The following STRN variants were observed in gnomAD, a reference collection of about 807,000 sequenced individuals.
The protein encoded by STRN is striatin.
Under a neutral mutation model 96.3 loss-of-function variants are expected in STRN, and 53 were observed. The observed-to-expected ratio is 0.55, with a 90% CI of 0.44 to 0.69. The LOEUF is 0.69. STRN is among the 30% of genes least tolerant of loss of function. STRN has a pLI of 0.00. For missense variants in STRN, 987 were observed against 963.9 expected (o/e 1.02, Z -0.32); for synonymous variants, 428 against 355.9 (o/e 1.20, Z -2.28).
chr2:36,951,898 C>T (rs993232592), intron 1 of STRN, among the ~76,000 whole-genome samples: 2 of 152,218 alleles, frequency 1.3e-5, no homozygotes, highest in African/African-American at 2.4e-5. Flanking sequence ...CGCTGAGCTC[C>T]GCTTCCTGTC....
chr2:36,958,522 T>C (rs1664949181), intron 1 of STRN, among the ~76,000 whole-genome samples: 1 of 152,024 alleles, frequency 6.6e-6, no homozygotes. Flanking sequence ...AAAAATTCAG[T>C]GGATGGTTTT....
chr2:36,852,121 TG>T (rs1339351027), intron 15 of STRN, among the ~76,000 whole-genome samples: 1 of 152,226 alleles, frequency 6.6e-6, no homozygotes, highest in Non-Finnish European at 1.5e-5. Flanking sequence ...CCCAACCTGA[TG>T]GTTCATGCAG....
intron 4 of STRN, among the ~76,000 whole-genome samples, chr2:36,903,535 G>T (rs1219069875): frequency 6.6e-6 from 1 of 152,118 alleles, no homozygotes; most frequent in East Asian, 1.9e-4. Context: ...GGAAGACCAT[G>T]AAAAAGGTAA....
At chr2:36,956,647 C>T (rs1313379987) in intron 1 of STRN, among the ~76,000 whole-genome samples, 1 of 152,218 alleles carries the variant, frequency 6.6e-6, no homozygotes, top group Non-Finnish European at 1.5e-5. Flanking sequence ...TCATTGACTG[C>T]ATAGCAAAGG....
intron 1 of STRN, 124 bp downstream of exon 1, chr2:36,966,105 TG>T (rs1665152594): frequency 9.9e-7 from 1 of 1,006,650 alleles, no homozygotes. Context: ...GGGCTCCGGG[TG>T]GGATGGGCGG....
intron 9 of STRN, among the ~76,000 whole-genome samples, chr2:36,880,237 G>A (rs1189787763): frequency 6.6e-6 from 1 of 152,188 alleles, no homozygotes; most frequent in East Asian, 1.9e-4. Flanking sequence ...CAAAGTGTTG[G>A]GATTACAGGC....
chr2:36,849,257 T>G lies in STRN; in HGVS notation c.*199A>C. 1 of 603,470 alleles carries G rather than the reference T, an allele frequency of 1.7e-6. No homozygotes were observed. The allele number at this position is 603,470 out of a possible 1,614,324, so 37.4% of individuals were successfully genotyped here. ...CAGACCTCAGGCTCACAGATTCAGC[T>G]GAGCTTGCAGCAACCTGAACAAACC... On this transcript the variant is annotated 3_prime_UTR_variant, in exon 18 of 18. Transcript: ENST00000263918.
chr2:36,868,110 A>G (rs183292347), intron 11 of STRN, among the ~76,000 whole-genome samples: 1 of 152,332 alleles, frequency 6.6e-6, no homozygotes, highest in African/African-American at 2.4e-5. Context: ...CTAAAGGGAA[A>G]GACAGCTTCA....
intron 3 of STRN, among the ~76,000 whole-genome samples, chr2:36,914,405 G>A (rs1476770403): frequency 6.6e-6 from 1 of 152,122 alleles, no homozygotes; most frequent in African/African-American, 2.4e-5. Context: ...ACTCCTTTGA[G>A]TCAGTTAATA....
At chr2:36,925,283 TG>T in intron 1 of STRN, 75 bp from the exon 2 acceptor site, 3 of 980,008 alleles carry the variant, frequency 3.1e-6, no homozygotes, top group Non-Finnish European at 4.7e-6. Context: ...AAAGAACCAT[TG>T]GAAGTTTGAA....
At chr2:36,959,660 T>C (rs1054182606) in intron 1 of STRN, among the ~76,000 whole-genome samples, 33 of 152,062 alleles carry the variant, frequency 2.2e-4, no homozygotes, top group African/African-American at 8.0e-4. Context: ...AATGCTATCA[T>C]CAGAAAGAAC....
chr2:36,894,446 G>A (rs1203157951), intron 6 of STRN, among the ~76,000 whole-genome samples: 1 of 152,036 alleles, frequency 6.6e-6, no homozygotes, highest in Admixed American at 6.6e-5. Context: ...ACAACAAATT[G>A]GTAAAGGTTG....
chr2:36,920,456 T>C (rs1341075431), intron 2 of STRN, among the ~76,000 whole-genome samples: 1 of 151,836 alleles, frequency 6.6e-6, no homozygotes, highest in Non-Finnish European at 1.5e-5. Flanking sequence ...CTAACCAACA[T>C]GGAGAAACCC....
intron 1 of STRN, among the ~76,000 whole-genome samples, chr2:36,953,812 A>C (rs1243715156): frequency 6.6e-6 from 1 of 152,222 alleles, no homozygotes; most frequent in Non-Finnish European, 1.5e-5. Context: ...TTCTGTTCTA[A>C]CATAGCATAT....
chr2:36,894,606 C>T (rs1338201397), intron 6 of STRN, among the ~76,000 whole-genome samples: 1 of 152,170 alleles, frequency 6.6e-6, no homozygotes, highest in Admixed American at 6.5e-5. Flanking sequence ...GTCACCTTTA[C>T]CAACATGGGC....
In STRN at chr2:36,860,949, T is replaced by C. The variant is rs139358797; in HGVS notation, c.1669+183A>G. Among the ~76,000 whole-genome samples, 570 of 152,364 alleles carry C rather than the reference T, an allele frequency of 3.7e-3. 2 individuals are homozygous for C. The highest frequency in any genetic ancestry group is 0.013 in the African/African-American group (550 of 41,596). On this transcript the variant is annotated intron_variant, in intron 13 of 17. Coordinates refer to ENST00000263918, the MANE Select transcript of STRN (RefSeq NM_003162.4). The stretch of plus-strand genomic sequence containing the variant: ...TTTTCAAGAATGTGTTCTTCTTTTC[T>C]TCTTTTAGCATTGTATATCAAGTTA...
chr2:36,894,013 C>T lies in STRN; in HGVS notation c.816G>A (p.Leu272=). Reference sequence around the variant, plus strand: ...TATCTCGATCTTCACCGCTGTCAGGCAATGCTTTTTTCCTAACAATCTAAT... The same window carrying T: ...TATCTCGATCTTCACCGCTGTCAGGTAATGCTTTTTTCCTAACAATCTAAT... ...DTSTIVRKKA[L]PDSGEDRDTK... The change falls in exon 7 of 18, where the codon TTG becomes TTA. Residue 272 remains leucine (L), a synonymous_variant. Coordinates refer to ENST00000263918, the MANE Select transcript of STRN (RefSeq NM_003162.4). 6.2e-7 allele frequency: 1 copy of T among 1,612,594 alleles called. No homozygotes were observed.
At chr2:36,918,231 A>G (rs2148221805) in intron 2 of STRN, among the ~76,000 whole-genome samples, 1 of 152,282 alleles carries the variant, frequency 6.6e-6, no homozygotes, top group Non-Finnish European at 1.5e-5. Context: ...TCAGAAGGTA[A>G]GATTTACAGA....
intron 10 of STRN, among the ~76,000 whole-genome samples, chr2:36,874,202 T>G (rs938705392): frequency 2.6e-5 from 4 of 151,190 alleles, no homozygotes; most frequent in African/African-American, 9.7e-5. Flanking sequence ...AGGCGGAGCT[T>G]GCAGTCAGCT....
Sources: gnomAD v4.1 joint callset for allele counts (sites outside exome capture counted in the v4.1 genomes callset) on GRCh38, gnomAD v4.1.1 for gene constraint, MANE v1.5 for transcripts, NCBI Gene and HGNC (gene_info 2026-07-23, HGNC 2026-07-21) for gene names.